DISC1: variants seen among roughly 807,000 people sequenced by gnomAD.
DISC1 encodes the protein DISC1 scaffold protein.
Under a neutral mutation model 84.5 loss-of-function variants are expected in DISC1, and 57 were observed. The observed-to-expected ratio is 0.67, with a 90% CI of 0.55 to 0.84. DISC1 has a LOEUF of 0.84. DISC1 is among the 40% of genes least tolerant of loss of function. The probability of loss-of-function intolerance (pLI) is 0.00; values close to 1 mark genes in which losing one functional copy is unlikely to be tolerated. For missense variants in DISC1, 1,000 were observed against 1,057.8 expected (o/e 0.95, Z 0.76); for synonymous variants, 411 against 415.2 (o/e 0.99, Z 0.12).
At chr1:231,839,875 C>T (rs962420324) in intron 9 of DISC1, among the ~76,000 whole-genome samples, 2 of 151,982 alleles carry the variant, frequency 1.3e-5, no homozygotes, top group African/African-American at 2.4e-5. Context: ...TTTAAACAAC[C>T]GGATCTTGTG....
intron 5 of DISC1, among the ~76,000 whole-genome samples, chr1:231,770,189 G>A (rs1456118773): frequency 1.3e-5 from 2 of 152,064 alleles, no homozygotes; most frequent in East Asian, 1.9e-4. Flanking sequence ...TGCACATGAC[G>A]GGCATTCATT....
intron 4 of DISC1, among the ~76,000 whole-genome samples, chr1:231,762,708 A>T (rs939500674): frequency 6.6e-6 from 1 of 151,776 alleles, no homozygotes; most frequent in Admixed American, 6.6e-5. Flanking sequence ...CATTTTCCCG[A>T]TACAAACATT....
At chr1:231,853,006 T>G (rs2146375) in intron 9 of DISC1, among the ~76,000 whole-genome samples, 137,010 of 152,212 alleles carry the variant, frequency 0.9, 61,755 homozygotes, top group East Asian at 0.99. Context: ...AGCTCTAAAA[T>G]ATTAGACTGC....
intron 6 of DISC1, chr1:231,771,757 G>A (rs2076564846): frequency 5.0e-6 from 1 of 198,274 alleles, no homozygotes; most frequent in Non-Finnish European, 9.1e-6. Context: ...CCTGTATTCT[G>A]TATCATGGAA....
At position 231,743,236 on chromosome 1, in the gene DISC1, A is replaced by G. The variant is rs115295095; in HGVS notation, c.1118-6690A>G. Reference sequence around the variant, plus strand: ...AATAATAGACAATCCTTTTGAACACATACAAAATGCCAGGCATGATGCTAA... The same window carrying G: ...AATAATAGACAATCCTTTTGAACACGTACAAAATGCCAGGCATGATGCTAA... On this transcript the variant is annotated intron_variant, in intron 3 of 12. Coordinates refer to ENST00000439617, the MANE Select transcript of DISC1 (RefSeq NM_018662.3). 4.0e-3 allele frequency among the ~76,000 whole-genome samples: 604 copies of G among 152,346 alleles called. 7 individuals carry two copies. Among genetic ancestry groups the G allele is most frequent in the African/African-American group, 0.014 (585 of 41,584 alleles).
At chr1:231,804,770 G>A (rs1219688135) in intron 8 of DISC1, among the ~76,000 whole-genome samples, 1 of 152,186 alleles carries the variant, frequency 6.6e-6, no homozygotes, top group Non-Finnish European at 1.5e-5. Flanking sequence ...TATTGTGGTA[G>A]CTCTTCAGAG....
chr1:231,924,846 C>T (rs1196102669), intron 9 of DISC1, among the ~76,000 whole-genome samples: 11 of 151,790 alleles, frequency 7.2e-5, no homozygotes, highest in Middle Eastern at 3.4e-3. Context: ...TTAGTAGAGA[C>T]GGGGTTTCAC....
intron 3 of DISC1, among the ~76,000 whole-genome samples, chr1:231,728,960 A>G (rs1001313831): frequency 7.2e-5 from 11 of 152,142 alleles, no homozygotes; most frequent in African/African-American, 2.4e-4. Flanking sequence ...GTCATTTAAC[A>G]TTAGGTATAT....
intron 9 of DISC1, among the ~76,000 whole-genome samples, chr1:231,853,425 G>A (rs1218077252): frequency 6.6e-6 from 1 of 152,226 alleles, no homozygotes; most frequent in East Asian, 1.9e-4. Context: ...CTGTGCAGAT[G>A]TGACTGTCCT....
At chr1:231,886,766 C>CCTTTCTTCCGTCCTTCCTTTCTTT (rs2086726056) in intron 9 of DISC1, among the ~76,000 whole-genome samples, 12 of 84,376 alleles carry the variant, frequency 1.4e-4, no homozygotes, top group African/African-American at 5.5e-4. Context: ...TTCCTTCCTT[C>CCTTTCTTCCGTCCTTCCTTTCTTT]CTTTCTTTCT....
chr1:231,770,465 C>T (rs1450699018), intron 5 of DISC1, among the ~76,000 whole-genome samples: 1 of 152,054 alleles, frequency 6.6e-6, no homozygotes, highest in East Asian at 1.9e-4. Flanking sequence ...TGGTCTGTGG[C>T]TGGGGTAACC....
intron 9 of DISC1, among the ~76,000 whole-genome samples, chr1:231,894,952 C>T (rs1359310916): frequency 6.6e-6 from 1 of 151,940 alleles, no homozygotes; most frequent in Admixed American, 6.6e-5. Flanking sequence ...CACACACGGA[C>T]TGAGCATCCT....
chr1:231,744,735 C>T (rs896379737), intron 3 of DISC1, among the ~76,000 whole-genome samples: 4 of 152,164 alleles, frequency 2.6e-5, no homozygotes, highest in African/African-American at 9.7e-5. Context: ...TCAGTCTTAC[C>T]TGCATTTTAG....
chr1:231,756,692 G>T (rs1344753526), intron 4 of DISC1, among the ~76,000 whole-genome samples: 1 of 152,092 alleles, frequency 6.6e-6, no homozygotes, highest in Non-Finnish European at 1.5e-5. Flanking sequence ...GTCATTTCTG[G>T]TCCTTTCTCT....
chr1:231,849,062 T>G (rs2083672505), intron 9 of DISC1, among the ~76,000 whole-genome samples: 1 of 152,216 alleles, frequency 6.6e-6, no homozygotes, highest in Non-Finnish European at 1.5e-5. Context: ...CTGCTGAGCT[T>G]CTTGATATGT....
At chr1:231,916,304 T>G (rs2089614817) in intron 9 of DISC1, among the ~76,000 whole-genome samples, 1 of 152,196 alleles carries the variant, frequency 6.6e-6, no homozygotes. Flanking sequence ...AGAAGCACAT[T>G]GCATTTAACC....
intron 3 of DISC1, among the ~76,000 whole-genome samples, chr1:231,739,813 T>C (rs965102441): frequency 3.9e-5 from 6 of 152,204 alleles, no homozygotes; most frequent in African/African-American, 1.2e-4. Context: ...AGAGGAACCA[T>C]TTCCACATCA....
At chr1:231,895,612 C>G (rs1284233323) in intron 9 of DISC1, among the ~76,000 whole-genome samples, 1 of 127,742 alleles carries the variant, frequency 7.8e-6, no homozygotes, top group African/African-American at 2.9e-5. Context: ...TTATTCTTTA[C>G]CACTGTGCTA....
At chr1:231,766,292 A>AAC (rs1394883424) in intron 4 of DISC1, among the ~76,000 whole-genome samples, 9 of 148,642 alleles carry the variant, frequency 6.1e-5, no homozygotes, top group Non-Finnish European at 6.0e-5. Context: ...ATTATCTAAA[A>AAC]AAAAAAAAAA....
Sources: gnomAD v4.1 joint callset for allele counts (sites outside exome capture counted in the v4.1 genomes callset) on GRCh38, gnomAD v4.1.1 for gene constraint, MANE v1.5 for transcripts, NCBI Gene and HGNC (gene_info 2026-07-23, HGNC 2026-07-21) for gene names.